The following SMC6 variants were observed in gnomAD, a reference collection of about 807,000 sequenced individuals.
The protein encoded by SMC6 is structural maintenance of chromosomes protein 6.
SMC6 carries 79 observed loss-of-function variants against 142.2 expected under a neutral mutation model. The ratio of observed to expected loss-of-function variants is 0.56; its 90% CI spans 0.46 to 0.67. The LOEUF (loss-of-function observed/expected upper bound fraction) is 0.67, where lower values mean the gene tolerates loss of function less well. SMC6 is among the 30% of genes least tolerant of loss of function. The probability of loss-of-function intolerance (pLI) is 0.00; values close to 1 mark genes in which losing one functional copy is unlikely to be tolerated. For missense variants in SMC6, 1,072 were observed against 1,284.0 expected, an observed-to-expected ratio of 0.83 and a Z score of 2.52; for synonymous variants, 411 against 412.4, an observed-to-expected ratio of 1.00 and a Z score of 0.04.
chr2:17,682,678 T>G (rs1667285839), intron 24 of SMC6, among the ~76,000 whole-genome samples: 2 of 152,090 alleles, frequency 1.3e-5, no homozygotes, highest in South Asian at 4.1e-4. Flanking sequence ...GGTAGAGTAC[T>G]CAAAATAGCA....
chr2:17,666,763 A>G (rs1666514421), intron 26 of SMC6, among the ~76,000 whole-genome samples: 1 of 152,054 alleles, frequency 6.6e-6, no homozygotes, highest in Admixed American at 6.6e-5. Flanking sequence ...TCACAGGATC[A>G]ATTGAGGTCA....
chr2:17,729,084 C>T (rs12476883), intron 7 of SMC6, among the ~76,000 whole-genome samples: 77,880 of 151,974 alleles, frequency 0.51, 22,629 homozygotes, highest in African/African-American at 0.78. Context: ...AGTAGCCACA[C>T]TAAAAATATA....
At chr2:17,687,492 C>T (rs73921044) in intron 23 of SMC6, among the ~76,000 whole-genome samples, 3,467 of 151,336 alleles carry the variant, frequency 0.023, 102 homozygotes, top group African/African-American at 0.064. Context: ...TGGTGAATGA[C>T]AAAAGCAAGA....
At chr2:17,698,463 G>C (rs764731005) in intron 21 of SMC6, among the ~76,000 whole-genome samples, 12 of 151,906 alleles carry the variant, frequency 7.9e-5, no homozygotes, top group African/African-American at 2.9e-4. Flanking sequence ...TGAACCTTTT[G>C]TCATTACGTA....
At chr2:17,695,880 AC>A (rs1397438167) in intron 22 of SMC6, among the ~76,000 whole-genome samples, 2 of 152,162 alleles carry the variant, frequency 1.3e-5, no homozygotes, top group Non-Finnish European at 2.9e-5. Flanking sequence ...TCTCCTCTAA[AC>A]ACCGGGTCAC....
chr2:17,717,725 T>C lies in SMC6; in HGVS notation c.1092+352A>G, dbSNP rs186269298. Among the ~76,000 whole-genome samples, 715 of 152,018 alleles carry C rather than the reference T, an allele frequency of 4.7e-3. 8 individuals are homozygous for C. The highest frequency in any genetic ancestry group is 0.016 in the African/African-American group (671 of 41,440). On this transcript the variant is annotated intron_variant, in intron 12 of 27. Coordinates refer to ENST00000448223, the MANE Select transcript of SMC6 (RefSeq NM_001142286.2). ...GGCTGGGTGCAGAGGTTCACACATG[T>C]AATCCCAGCACTTTGGGAGGCTGAG...
intron 4 of SMC6, among the ~76,000 whole-genome samples, chr2:17,739,454 G>C (rs1670317558): frequency 6.6e-6 from 1 of 152,074 alleles, no homozygotes; most frequent in African/African-American, 2.4e-5. Context: ...AGACCAGTCT[G>C]GCCAACATAG....
rs1666849739 is a variant in SMC6, at chr2:17,673,259, AT to A, written c.2911-2685del. On this transcript the variant is annotated intron_variant, in intron 25 of 27. Transcript: ENST00000448223. ...ATGTGATGTCAGTCTCTTTCTTACT[AT>A]TTTTTAATTCTAGGTAAGTCTTTTG... 2.0e-5 allele frequency among the ~76,000 whole-genome samples: 3 copies of A among 152,062 alleles called. No individual in the cohort carries two copies. The South Asian group carries it at 6.2e-4, about 32-fold the overall frequency.
intron 8 of SMC6, among the ~76,000 whole-genome samples, chr2:17,726,136 G>T (rs372900614): frequency 4.4e-5 from 6 of 135,452 alleles, no homozygotes; most frequent in African/African-American, 1.7e-4. Context: ...TATTATGTAT[G>T]TAGGAGCAAC....
At position 17,665,308 on chromosome 2, in the gene SMC6, T is replaced by C. The variant is rs1445776421; in HGVS notation, c.*191A>G. 4 of 385,304 alleles carry C rather than the reference T, an allele frequency of 1.0e-5. No individual in the cohort carries two copies. The highest frequency in any genetic ancestry group is 1.9e-4 in the South Asian group (2 of 10,550). The allele number at this position is 385,304 out of a possible 1,614,324, so 23.9% of individuals were successfully genotyped here. ...TATGAAATTGATTTTCTTAAAGTAA[T>C]AGTAATCTTAAATTGCAGGTTGTAG... is the stretch of plus-strand genomic sequence containing the variant. On this transcript the variant is annotated 3_prime_UTR_variant, in exon 28 of 28. Transcript: ENST00000448223.
intron 15 of SMC6, among the ~76,000 whole-genome samples, chr2:17,715,493 T>C (rs935943423): frequency 4.6e-5 from 7 of 152,044 alleles, no homozygotes; most frequent in Admixed American, 2.6e-4. Flanking sequence ...TAAAGGTATG[T>C]ATCATTTAAA....
At chr2:17,666,137 T>C (rs571953286) in intron 27 of SMC6, among the ~76,000 whole-genome samples, 11 of 152,240 alleles carry the variant, frequency 7.2e-5, no homozygotes, top group African/African-American at 2.6e-4. Flanking sequence ...CCAAACAGAA[T>C]TACTAAAATT....
chr2:17,749,292 T>C (rs1670901857), intron 2 of SMC6, among the ~76,000 whole-genome samples: 1 of 152,182 alleles, frequency 6.6e-6, no homozygotes, highest in Admixed American at 6.5e-5. Flanking sequence ...ATTTCTTTAC[T>C]TATTTATAAT....
At chr2:17,699,343 T>C (rs1668160811) in intron 21 of SMC6, among the ~76,000 whole-genome samples, 1 of 152,146 alleles carries the variant, frequency 6.6e-6, no homozygotes, top group Non-Finnish European at 1.5e-5. Context: ...AATCCTTTTC[T>C]ATATAAGGTT....
chr2:17,695,025 C>T (rs1558340312), intron 23 of SMC6, 127 bp downstream of exon 23: 1 of 1,006,882 alleles, frequency 9.9e-7, no homozygotes, highest in African/African-American at 1.6e-5. Flanking sequence ...TAAAGGACTA[C>T]TTCAGCTATA....
chr2:17,678,915 G>A lies in SMC6; in HGVS notation c.2854C>T (p.Arg952Trp). Residue 952 changes from arginine to tryptophan, a missense_variant, in exon 25 of 28, where the codon CGG becomes TGG. This residue lies in a region of SMC6 where 994 missense variants were observed against 1,153.2 expected (regional missense o/e 0.86). Coordinates refer to ENST00000448223, the MANE Select transcript of SMC6 (RefSeq NM_001142286.2). ...AAATTCATTTTTCCACAATAGGCCC[G>A]CTGAGATAGTAAGTTGTCAAAGTAT... Reference protein sequence around the residue: ...KLYFDNLLSQRAYCGKMNFDH... With the variant: ...KLYFDNLLSQWAYCGKMNFDH... 2 of 1,612,292 alleles carry A rather than the reference G, an allele frequency of 1.2e-6. No individual in the cohort carries two copies. The highest frequency in any genetic ancestry group is 2.2e-5 in the South Asian group (2 of 90,678).
intron 3 of SMC6, 98 bp downstream of exon 3, chr2:17,745,729 A>C (rs1282075230): frequency 2.8e-5 from 36 of 1,287,714 alleles, no homozygotes; most frequent in Non-Finnish European, 3.6e-5. Context: ...AAAAAATCAT[A>C]TTACTTTTTC....
chr2:17,677,132 G>C (rs1180917526), intron 25 of SMC6, among the ~76,000 whole-genome samples: 1 of 152,104 alleles, frequency 6.6e-6, no homozygotes, highest in African/African-American at 2.4e-5. Flanking sequence ...CCTGATCTTA[G>C]GGGTAAGCAC....
intron 25 of SMC6, among the ~76,000 whole-genome samples, chr2:17,677,327 A>C (rs1387669219): frequency 6.6e-6 from 1 of 152,160 alleles, no homozygotes; most frequent in Non-Finnish European, 1.5e-5. Context: ...GACTTAGTCC[A>C]TTTATCATTC....
Sources: gnomAD v4.1 joint callset for allele counts (sites outside exome capture counted in the v4.1 genomes callset) on GRCh38, gnomAD v4.1.1 for gene constraint, gnomAD v4.1.1 regional missense constraint, MANE v1.5 for transcripts, NCBI Gene and HGNC (gene_info 2026-07-23, HGNC 2026-07-21) for gene names.